Variants in EPHA7 observed in about 807,000 individuals in gnomAD.
EPHA7 encodes the protein EPH receptor A7.
Under a neutral mutation model 112.6 loss-of-function variants are expected in EPHA7, and 25 were observed. The observed-to-expected ratio is 0.22, with a 90% CI of 0.16 to 0.31. EPHA7 has a LOEUF of 0.31. Ranked by LOEUF, EPHA7 falls within the 10% of genes least tolerant of loss-of-function variation. The pLI is 1.00. For synonymous variants in EPHA7, 437 were observed against 406.5 expected, an observed-to-expected ratio of 1.07 and a Z score of -0.90; for missense variants, 962 against 1,212.6, an observed-to-expected ratio of 0.79 and a Z score of 3.07.
chr6:93,387,962 G>A (rs141486910), intron 3 of EPHA7, among the ~76,000 whole-genome samples: 2,728 of 151,782 alleles, frequency 0.018, 75 homozygotes, highest in African/African-American at 0.062. Flanking sequence ...TAGATAGATA[G>A]ATAGATAGAT....
chr6:93,320,620 G>A (rs1328282343), intron 5 of EPHA7, among the ~76,000 whole-genome samples: 3 of 151,958 alleles, frequency 2.0e-5, no homozygotes, highest in Non-Finnish European at 4.4e-5. Context: ...GGTTTTAAAA[G>A]ATGCTATTAG....
At chr6:93,405,813 G>GTGTATATATATA (rs1357089640) in intron 3 of EPHA7, among the ~76,000 whole-genome samples, 2 of 73,982 alleles carry the variant, frequency 2.7e-5, no homozygotes, top group East Asian at 6.1e-4. Context: ...GTGTGTGTGT[G>GTGTATATATATA]TATATATATA....
rs1334030182 is a variant in EPHA7, at chr6:93,242,037, T to C, written c.*1389A>G. ...ATTCTGGGGTAGTTCATGATTTTCA[T>C]AAGTTTTGAAAGCATTAATCACAAT... On this transcript the variant is annotated 3_prime_UTR_variant, in exon 17 of 17. Transcript: ENST00000369303. 1 of 206,606 alleles carries C rather than the reference T, an allele frequency of 4.8e-6. No homozygotes were observed. The highest frequency in any genetic ancestry group is 9.9e-6 in the Non-Finnish European group (1 of 100,838). The allele number at this position is 206,606 out of a possible 1,614,324, so 12.8% of individuals were successfully genotyped here. A position where few individuals can be genotyped will look rare whatever the true frequency, so the allele number is the denominator to read the frequency against.
At chr6:93,398,824 G>C (rs1483317467) in intron 3 of EPHA7, among the ~76,000 whole-genome samples, 1 of 152,068 alleles carries the variant, frequency 6.6e-6, no homozygotes, top group Non-Finnish European at 1.5e-5. Flanking sequence ...CAGTTCTCCT[G>C]TATATAATGT....
rs1770425887 is a variant in EPHA7 at position 93,255,985 on chromosome 6, A to G, written c.2225T>C (p.Ile742Thr). ...VIQLVGMLRG[I>T]AAGMRYLADM... ...AGCCAAATATCTCATTCCAGCAGCAATTCCTCTCAGCATTCCTACTAACTG... is the reference window on the plus strand; with the variant it reads ...AGCCAAATATCTCATTCCAGCAGCAGTTCCTCTCAGCATTCCTACTAACTG... Residue 742 changes from isoleucine (I) to threonine (T), a missense_variant, in exon 13 of 17, where the codon ATT becomes ACT. Ile to Thr is a moderately conservative substitution (Grantham distance 89). Around this residue, in one of 3 missense-constraint regions of EPHA7, gnomAD observed 746 missense variants for 889.2 expected, o/e 0.84. Transcript: ENST00000369303. 2.5e-6 allele frequency: 4 copies of G among 1,614,092 alleles called. No homozygotes were observed. Among genetic ancestry groups the G allele is most frequent in the South Asian group, 2.2e-5 (2 of 91,086 alleles).
chr6:93,242,115 A>T lies in EPHA7; in HGVS notation c.*1311T>A, dbSNP rs975175626. ...AGACACATTTAATTATTGCTTATGA[A>T]ATTCTAACACAGTAATCAAATAATA... On this transcript the variant is annotated 3_prime_UTR_variant, in exon 17 of 17. Transcript: ENST00000369303. 5.1e-6 allele frequency: 1 copy of T among 197,618 alleles called. No individual in the cohort carries two copies. Among genetic ancestry groups the T allele is most frequent in the Non-Finnish European group, 1.1e-5 (1 of 95,078 alleles). 12.2% of individuals were successfully genotyped at this position (197,618 alleles called of 1,614,324 possible).
intron 5 of EPHA7, among the ~76,000 whole-genome samples, chr6:93,278,932 A>T (rs895282488): frequency 2.6e-5 from 4 of 152,046 alleles, no homozygotes; most frequent in Non-Finnish European, 4.4e-5. Flanking sequence ...TTTACTGAGA[A>T]TCCATGATGT....
At chr6:93,413,214 A>C (rs1318772761) in intron 2 of EPHA7, among the ~76,000 whole-genome samples, 2 of 151,978 alleles carry the variant, frequency 1.3e-5, no homozygotes, top group Non-Finnish European at 2.9e-5. Flanking sequence ...AAACTAACCT[A>C]TTGCACAGAT....
intron 7 of EPHA7, among the ~76,000 whole-genome samples, chr6:93,269,241 A>G (rs551696501): frequency 6.6e-6 from 1 of 151,910 alleles, no homozygotes; most frequent in African/African-American, 2.4e-5. Context: ...TTTTCAAAAA[A>G]TAAATCTTGT....
chr6:93,329,857 A>G (rs950862639), intron 5 of EPHA7, among the ~76,000 whole-genome samples: 1 of 151,014 alleles, frequency 6.6e-6, no homozygotes, highest in African/African-American at 2.4e-5. Flanking sequence ...AAGTGAAATT[A>G]AAAAAAACAA....
chr6:93,336,475 T>C (rs2127912075), intron 5 of EPHA7, among the ~76,000 whole-genome samples: 1 of 152,320 alleles, frequency 6.6e-6, no homozygotes, highest in Admixed American at 6.5e-5. Flanking sequence ...CGATCTTGGC[T>C]CACTGTAACC....
intron 5 of EPHA7, among the ~76,000 whole-genome samples, chr6:93,312,487 T>A (rs1186708591): frequency 6.6e-6 from 1 of 152,142 alleles, no homozygotes; most frequent in Non-Finnish European, 1.5e-5. Context: ...TAGCCCTCAT[T>A]AACTTGAAGA....
At chr6:93,250,995 A>G (rs1770183084) in intron 14 of EPHA7, among the ~76,000 whole-genome samples, 1 of 152,110 alleles carries the variant, frequency 6.6e-6, no homozygotes, top group South Asian at 2.1e-4. Context: ...ATTAAGAGAA[A>G]AAGGAACACA....
chr6:93,357,105 T>A, intron 4 of EPHA7, 53 bp from the exon 5 acceptor site: 1 of 1,388,146 alleles, frequency 7.2e-7, no homozygotes. Flanking sequence ...AAAAAAAACA[T>A]ACAAACAAAA....
intron 5 of EPHA7, among the ~76,000 whole-genome samples, chr6:93,352,007 TAA>T (rs1349040652): frequency 6.6e-6 from 1 of 152,108 alleles, no homozygotes; most frequent in Non-Finnish European, 1.5e-5. Flanking sequence ...TATCAAATAA[TAA>T]GTCTTTTCTA....
intron 3 of EPHA7, among the ~76,000 whole-genome samples, chr6:93,394,797 G>A (rs1057192684): frequency 1.3e-5 from 2 of 151,728 alleles, no homozygotes; most frequent in Admixed American, 6.6e-5. Context: ...GAAATCTACC[G>A]TGTCAGATAA....
intron 3 of EPHA7, among the ~76,000 whole-genome samples, chr6:93,393,416 C>A (rs943878456): frequency 6.6e-6 from 1 of 151,460 alleles, no homozygotes; most frequent in South Asian, 2.1e-4. Flanking sequence ...ATTTAGTACC[C>A]TTTTAGTCTT....
At position 93,240,919 on chromosome 6, in the gene EPHA7, C is replaced by G. The variant is rs1769663005; in HGVS notation, c.*2507G>C. ...AATGTTGATTAGGAAAAGAAACTTA[C>G]AAACGAGATAGTGATGTAATCATAC... On this transcript the variant is annotated 3_prime_UTR_variant, in exon 17 of 17. Coordinates refer to ENST00000369303, the MANE Select transcript of EPHA7 (RefSeq NM_004440.4). The G allele has an allele frequency of 4.8e-6, 1 of 210,358 alleles. No individual in the cohort carries two copies. Among genetic ancestry groups the G allele is most frequent in the East Asian group, 7.2e-5 (1 of 13,974 alleles). The allele number at this position is 210,358 out of a possible 1,614,324, so 13.0% of individuals were successfully genotyped here.
chr6:93,317,608 G>A (rs778560254), intron 5 of EPHA7, among the ~76,000 whole-genome samples: 4 of 152,090 alleles, frequency 2.6e-5, no homozygotes, highest in Non-Finnish European at 5.9e-5. Context: ...ATTTAAACTT[G>A]GTCACAGAAT....
Sources: gnomAD v4.1 joint callset for allele counts (sites outside exome capture counted in the v4.1 genomes callset) on GRCh38, gnomAD v4.1.1 for gene constraint, gnomAD v4.1.1 regional missense constraint, MANE v1.5 for transcripts, NCBI Gene and HGNC (gene_info 2026-07-23, HGNC 2026-07-21) for gene names.